The following SLC38A1 variants were observed in gnomAD, a reference collection of about 807,000 sequenced individuals.
The protein encoded by SLC38A1 is sodium-coupled neutral amino acid symporter 1.
SLC38A1 carries 18 observed loss-of-function variants against 60.3 expected under a neutral mutation model. The observed-to-expected ratio is 0.30, with a 90% CI of 0.21 to 0.44. SLC38A1 has a LOEUF of 0.44. SLC38A1 is among the 20% of genes least tolerant of loss of function. The probability of loss-of-function intolerance (pLI) is 1.00; values close to 1 mark genes in which losing one functional copy is unlikely to be tolerated. For missense variants in SLC38A1, 448 were observed against 587.2 expected, an observed-to-expected ratio of 0.76 and a Z score of 2.45; for synonymous variants, 196 against 212.1, an observed-to-expected ratio of 0.92 and a Z score of 0.66.
intron 8 of SLC38A1, among the ~76,000 whole-genome samples, chr12:46,206,815 G>A (rs1337406876): frequency 6.6e-6 from 1 of 152,046 alleles, no homozygotes; most frequent in African/African-American, 2.4e-5. Flanking sequence ...AAGAGGCTAG[G>A]GTCTTAATTT....
chr12:46,252,284 C>A (rs1941873007), intron 1 of SLC38A1, among the ~76,000 whole-genome samples: 1 of 151,990 alleles, frequency 6.6e-6, no homozygotes, highest in Non-Finnish European at 1.5e-5. Context: ...TGGCATTGAA[C>A]AATGAGAACA....
Position 46,268,696 on chromosome 12 carries a change from G to T in SLC38A1, c.-379C>A, listed in dbSNP as rs1942445509. 6.8e-6 allele frequency: 2 copies of T among 294,896 alleles called. No individual in the cohort carries two copies. Among genetic ancestry groups the T allele is most frequent in the South Asian group, 4.9e-5 (2 of 41,100 alleles). 18.3% of individuals were successfully genotyped at this position (294,896 alleles called of 1,614,324 possible). On this transcript the variant is annotated 5_prime_UTR_variant, in exon 1 of 17. Transcript: ENST00000398637. This position sits in a 1 kb window ranked among gnomAD's most constrained non-coding sequence, Gnocchi z 4.4. ...GCAGGGAGCTTGGCGTGGCCTGGCG[G>T]ATTTCGGAGGAAGGTGAAGGGCGGA...
intron 16 of SLC38A1, chr12:46,197,503 T>C: frequency 4.8e-6 from 2 of 416,464 alleles, no homozygotes; most frequent in Non-Finnish European, 4.3e-6. Context: ...TGAGACTCCA[T>C]CTCAAAAAAA....
intron 5 of SLC38A1, among the ~76,000 whole-genome samples, chr12:46,219,971 A>C (rs1940590675): frequency 1.3e-5 from 2 of 152,058 alleles, no homozygotes; most frequent in Admixed American, 6.6e-5. Flanking sequence ...ACGCACACAC[A>C]CCCCTACCTT....
At chr12:46,218,616 T>C (rs1201056179) in intron 5 of SLC38A1, among the ~76,000 whole-genome samples, 2 of 152,166 alleles carry the variant, frequency 1.3e-5, no homozygotes, top group Non-Finnish European at 2.9e-5. Context: ...TGGGTTCACC[T>C]TGCCTGCTGC....
At chr12:46,228,218 G>T (rs1940940715) in intron 5 of SLC38A1, among the ~76,000 whole-genome samples, 1 of 152,218 alleles carries the variant, frequency 6.6e-6, no homozygotes, top group South Asian at 2.1e-4. Flanking sequence ...ACACAGGGCA[G>T]CATGGATGGG....
At chr12:46,230,819 G>GA (rs921692943) in intron 3 of SLC38A1, among the ~76,000 whole-genome samples, 2 of 151,990 alleles carry the variant, frequency 1.3e-5, no homozygotes, top group Non-Finnish European at 2.9e-5. Context: ...CGAGGATGTG[G>GA]AAAAAAAGGA....
intron 5 of SLC38A1, among the ~76,000 whole-genome samples, chr12:46,209,336 G>C (rs564160650): frequency 1.1e-3 from 163 of 152,352 alleles, no homozygotes; most frequent in Non-Finnish European, 1.9e-3. Flanking sequence ...CTGAGTAACA[G>C]TTCAAATCCT....
intron 16 of SLC38A1, chr12:46,196,395 G>C: frequency 7.4e-7 from 1 of 1,355,820 alleles, no homozygotes; most frequent in Non-Finnish European, 9.8e-7. Flanking sequence ...ATGCCATTTG[G>C]AAGACCCTAC....
chr12:46,197,854 T>C, intron 15 of SLC38A1, 37 bp from the exon 16 acceptor site: 1 of 1,603,060 alleles, frequency 6.2e-7, no homozygotes, highest in Non-Finnish European at 8.5e-7. Flanking sequence ...TTAGCATTGC[T>C]ATTGTGAAAA....
intron 3 of SLC38A1, among the ~76,000 whole-genome samples, chr12:46,231,705 C>A (rs1259397091): frequency 6.6e-6 from 1 of 152,158 alleles, no homozygotes; most frequent in Non-Finnish European, 1.5e-5. Context: ...ACCCAGGCTG[C>A]AGTGCAGTTG....
In SLC38A1 at chr12:46,202,747, C is replaced by A. The variant is rs1939718356; in HGVS notation, c.902+263G>T. 1.3e-5 allele frequency among the ~76,000 whole-genome samples: 2 copies of A among 152,132 alleles called. 1 individual carries two copies. Among genetic ancestry groups the A allele is most frequent in the Non-Finnish European group, 2.9e-5 (2 of 68,022 alleles). On this transcript the variant is annotated intron_variant, in intron 12 of 16. Coordinates refer to ENST00000398637, the MANE Select transcript of SLC38A1 (RefSeq NM_030674.4). ...CCTCGGTGATACAATATTTGAAAAACCAAATTAATGAAAAAGCCCACATGG... is the reference window on the plus strand; with the variant it reads ...CCTCGGTGATACAATATTTGAAAAAACAAATTAATGAAAAAGCCCACATGG...
At chr12:46,198,786 G>A (rs780165194) in intron 13 of SLC38A1, 43 bp from the exon 14 acceptor site, 6 of 1,167,878 alleles carry the variant, frequency 5.1e-6, no homozygotes, top group Non-Finnish European at 7.4e-6. Flanking sequence ...AGGAGACAAA[G>A]TATATAGCTG....
intron 16 of SLC38A1, among the ~76,000 whole-genome samples, chr12:46,189,682 G>A (rs1355091290): frequency 6.6e-6 from 1 of 152,146 alleles, no homozygotes; most frequent in African/African-American, 2.4e-5. Flanking sequence ...CACGTGTCAT[G>A]GGAGTTACCT....
At chr12:46,225,347 T>C (rs10880942) in intron 5 of SLC38A1, among the ~76,000 whole-genome samples, 26,951 of 152,138 alleles carry the variant, frequency 0.18, 4,014 homozygotes, top group East Asian at 0.46. Flanking sequence ...GGTCCTCCCC[T>C]ATCCTGGCAA....
chr12:46,268,628 C>A lies in SLC38A1; in HGVS notation c.-311G>T, dbSNP rs917415525. 3.4e-5 allele frequency: 8 copies of A among 237,286 alleles called. No individual in the cohort carries two copies. The highest frequency in any genetic ancestry group is 4.6e-5 in the Non-Finnish European group (5 of 108,844). The allele number at this position is 237,286 out of a possible 1,614,324, so 14.7% of individuals were successfully genotyped here. Reference sequence around the variant, plus strand: ...TGATGTCCTTTGTGTCAAGGTCTGGCTGCGGAGGCCGGGAAAATGTGGCCC... The same window carrying A: ...TGATGTCCTTTGTGTCAAGGTCTGGATGCGGAGGCCGGGAAAATGTGGCCC... On this transcript the variant is annotated 5_prime_UTR_variant, in exon 1 of 17. Coordinates refer to ENST00000398637, the MANE Select transcript of SLC38A1 (RefSeq NM_030674.4). The surrounding 1 kb of genome is among the most constrained non-coding windows in gnomAD (Gnocchi z 4.4).
chr12:46,219,554 A>G (rs1245746042), intron 5 of SLC38A1, among the ~76,000 whole-genome samples: 1 of 152,206 alleles, frequency 6.6e-6, no homozygotes, highest in Non-Finnish European at 1.5e-5. Context: ...GACATAAGGT[A>G]AAGTCTGTGG....
At chr12:46,220,205 AAT>A (rs1940603475) in intron 5 of SLC38A1, among the ~76,000 whole-genome samples, 1 of 152,202 alleles carries the variant, frequency 6.6e-6, no homozygotes, top group Non-Finnish European at 1.5e-5. Context: ...AGTGGATTTC[AAT>A]AGAGTTCAAT....
In SLC38A1 at chr12:46,251,622, A is replaced by C. The variant is rs191333747; in HGVS notation, c.-208-8308T>G. On this transcript the variant is annotated intron_variant, in intron 1 of 16. Coordinates refer to ENST00000398637, the MANE Select transcript of SLC38A1 (RefSeq NM_030674.4). ...GGCTCATATCCAGAATCTACAAAGA[A>C]CTTAAATAAATTTTCAAGAAAAAAA... Among the ~76,000 whole-genome samples, 805 of 152,352 alleles carry C rather than the reference A, an allele frequency of 5.3e-3. 2 individuals carry two copies. Among genetic ancestry groups the C allele is most frequent in the Non-Finnish European group, 8.3e-3 (563 of 68,032 alleles).
Sources: allele counts gnomAD v4.1 joint callset (sites outside exome capture counted in the v4.1 genomes callset), GRCh38; gene constraint gnomAD v4.1.1; non-coding constraint Gnocchi (gnomAD v3.1); transcripts MANE v1.5; gene names NCBI Gene and HGNC (gene_info 2026-07-23, HGNC 2026-07-21).